PDE1C: variants seen among roughly 807,000 people sequenced by gnomAD.
PDE1C encodes the protein phosphodiesterase 1C.
PDE1C carries 62 observed loss-of-function variants against 93.1 expected under a neutral mutation model. That is an observed-to-expected ratio of 0.67 (90% confidence interval 0.54 to 0.82). The LOEUF (loss-of-function observed/expected upper bound fraction) is 0.82, where lower values mean the gene tolerates loss of function less well. Ranked by LOEUF, PDE1C falls within the 40% of genes least tolerant of loss-of-function variation. The pLI is 0.00. For synonymous variants in PDE1C, 325 were observed against 310.1 expected (o/e 1.05, Z -0.50); for missense variants, 742 against 884.6 (o/e 0.84, Z 2.04).
At chr7:31,966,269 C>A (rs1408185348) in intron 2 of PDE1C, among the ~76,000 whole-genome samples, 1 of 151,968 alleles carries the variant, frequency 6.6e-6, no homozygotes, top group African/African-American at 2.4e-5. Flanking sequence ...GGAAGATCTA[C>A]CAAGCAAATG....
At chr7:32,299,078 G>A in exon 1 of PDE1C, 1 of 1,094,176 alleles carries the variant, frequency 9.1e-7, no homozygotes, top group South Asian at 3.8e-5. Flanking sequence ...TCCCTGCCTG[G>A]CCACGCTACT....
rs1403285701 is a variant in PDE1C at position 32,312,028 on chromosome 7, C to A, written c.311-102489G>T. The stretch of plus-strand genomic sequence containing the variant: ...ACCCCATTATCTCAGCCCAAAATCT[C>A]CTTAAGCTGATAAGCAACTTCAGCA... On this transcript the variant is annotated intron_variant, in intron 1 of 1. Coordinates refer to the PDE1C transcript ENST00000672256. 4.0e-5 allele frequency among the ~76,000 whole-genome samples: 6 copies of A among 149,972 alleles called. No individual in the cohort carries two copies. In the East Asian group the frequency reaches 1.2e-3, roughly 29 times the overall value.
chr7:31,841,952 G>T (rs1282580401), intron 9 of PDE1C, among the ~76,000 whole-genome samples: 1 of 152,112 alleles, frequency 6.6e-6, no homozygotes, highest in African/African-American at 2.4e-5. Context: ...TACTTGGGAG[G>T]TGGTCAGCCT....
chr7:31,823,164 A>C lies in PDE1C; in HGVS notation c.1491T>G (p.Ser497=), dbSNP rs1479071758. 1.9e-6 allele frequency: 3 copies of C among 1,613,364 alleles called. No homozygotes were observed. The highest frequency in any genetic ancestry group is 2.7e-5 in the African/African-American group (2 of 74,882). The change falls in exon 14 of 18, where the codon TCT becomes TCG. Residue 497 remains serine, a synonymous_variant. Transcript: ENST00000396191. ...GSEGSAPINN[S]VISVDYKSFK... ...AGCTCTTATAGTCAACGGAGATGAC[A>C]GAATTGTTGATCGGGGCACTTCCCT...
At chr7:32,319,222 C>T (rs868682212) in intron 1 of PDE1C, among the ~76,000 whole-genome samples, 1 of 152,214 alleles carries the variant, frequency 6.6e-6, no homozygotes, top group South Asian at 2.1e-4. Context: ...GCTTGGAGAC[C>T]GTTTTCGGAC....
intron 2 of PDE1C, 52 bp from the exon 3 acceptor site, chr7:31,880,912 A>G (rs758733296): frequency 9.3e-7 from 1 of 1,073,444 alleles, no homozygotes; most frequent in Non-Finnish European, 1.4e-6. Flanking sequence ...ACAAAGAATA[A>G]TCCTACAACT....
intron 2 of PDE1C, among the ~76,000 whole-genome samples, chr7:31,972,622 A>AC (rs1238845683): frequency 6.6e-6 from 1 of 152,164 alleles, no homozygotes; most frequent in Non-Finnish European, 1.5e-5. Flanking sequence ...GCTAAGTATG[A>AC]CCCCAAACCC....
chr7:31,961,589 G>T (rs1326198129), intron 2 of PDE1C, among the ~76,000 whole-genome samples: 1 of 152,026 alleles, frequency 6.6e-6, no homozygotes, highest in Non-Finnish European at 1.5e-5. Context: ...TAAGGAGACG[G>T]GTTGATTAGA....
Position 31,887,282 on chromosome 7 carries a change from C to T in PDE1C, c.129-6422G>A, listed in dbSNP as rs1261078678. Among the ~76,000 whole-genome samples the T allele has an allele frequency of 2.0e-5, 3 of 152,036 alleles. 1 individual carries two copies. The East Asian group carries it at 5.8e-4, about 29-fold the overall frequency. ...GTTTCCTCATTGAGTGAACATCAAA[C>T]CAAAAACAAGAACAGTGCCAACAAA... is the stretch of plus-strand genomic sequence containing the variant. On this transcript the variant is annotated intron_variant, in intron 2 of 17. Coordinates refer to ENST00000396191, the MANE Select transcript of PDE1C (RefSeq NM_001191057.4).
At chr7:32,393,739 C>A (rs1784793324) in intron 1 of PDE1C, among the ~76,000 whole-genome samples, 1 of 152,176 alleles carries the variant, frequency 6.6e-6, no homozygotes, top group Non-Finnish European at 1.5e-5. Flanking sequence ...GTTACATTCA[C>A]AATACATTTA....
Position 32,195,971 on chromosome 7 carries a change from T to C in PDE1C, c.136+13518A>G, listed in dbSNP as rs115240100. On this transcript the variant is annotated intron_variant, in intron 2 of 18. Transcript: ENST00000396193. ...TGTGTATGGAATGACCTCATTATCATTGTACAATGCTATAGTCCTGATTCT... is the reference window on the plus strand; with the variant it reads ...TGTGTATGGAATGACCTCATTATCACTGTACAATGCTATAGTCCTGATTCT... 4.4e-3 allele frequency among the ~76,000 whole-genome samples: 672 copies of C among 152,288 alleles called. 7 individuals are homozygous for C. The highest frequency in any genetic ancestry group is 0.015 in the African/African-American group (636 of 41,536).
intron 3 of PDE1C, among the ~76,000 whole-genome samples, chr7:32,127,218 A>T (rs996339411): frequency 6.6e-6 from 1 of 152,022 alleles, no homozygotes; most frequent in East Asian, 1.9e-4. Flanking sequence ...TGGTCACCAG[A>T]CTCCCAACTG....
chr7:32,381,803 A>G (rs1041397260), intron 1 of PDE1C, among the ~76,000 whole-genome samples: 10 of 151,854 alleles, frequency 6.6e-5, no homozygotes, highest in African/African-American at 1.9e-4. Flanking sequence ...TTTATTATCT[A>G]TCTCCCCACC....
At chr7:32,108,230 C>CAAAAAAAAAAAAAAAAAAA (rs71559210) in intron 3 of PDE1C, among the ~76,000 whole-genome samples, 2 of 77,062 alleles carry the variant, frequency 2.6e-5, no homozygotes, top group Non-Finnish European at 2.5e-5. Flanking sequence ...AAAAGCAAGA[C>CAAAAAAAAAAAAAAAAAAA]AAAAAAAAAA....
chr7:31,672,745 A>C, the PDE1C span, among the ~76,000 whole-genome samples: 1 of 152,186 alleles, frequency 6.6e-6, no homozygotes, highest in Non-Finnish European at 1.5e-5. Flanking sequence ...CAGAGACTCA[A>C]GGGCAGTAAA....
chr7:32,165,145 C>T (rs17160942), intron 3 of PDE1C, among the ~76,000 whole-genome samples: 2,649 of 152,260 alleles, frequency 0.017, 98 homozygotes, highest in East Asian at 0.16. Context: ...AGTGTCTGCA[C>T]GTGGAGCCAC....
chr7:32,053,220 C>T (rs1793617769), intron 1 of PDE1C, among the ~76,000 whole-genome samples: 1 of 152,162 alleles, frequency 6.6e-6, no homozygotes, highest in Admixed American at 6.5e-5. Context: ...TCTTCTGAGA[C>T]CTTGTTATGA....
chr7:31,785,285 T>TG (rs750849679), intron 16 of PDE1C: 14 of 152,240 alleles, frequency 9.2e-5, no homozygotes, highest in Non-Finnish European at 1.5e-4. Flanking sequence ...TGAATGAGTG[T>TG]GCCCTGAGCG....
chr7:32,163,254 C>A (rs1031369867), intron 3 of PDE1C, among the ~76,000 whole-genome samples: 2 of 152,150 alleles, frequency 1.3e-5, no homozygotes, highest in African/African-American at 4.8e-5. Flanking sequence ...GGGGCCGAAG[C>A]TCCAGGGGAC....
Sources: allele counts gnomAD v4.1 joint callset (sites outside exome capture counted in the v4.1 genomes callset), GRCh38; gene constraint gnomAD v4.1.1; transcripts MANE v1.5; gene names NCBI Gene and HGNC (gene_info 2026-07-23, HGNC 2026-07-21).